The following IRAG2 variants were observed in gnomAD, a reference collection of about 807,000 sequenced individuals.
The protein encoded by IRAG2 is lymphoid restricted membrane protein.
In IRAG2, 45 loss-of-function variants were observed where a neutral mutation model predicts 69.9. That is an observed-to-expected ratio of 0.64 (90% CI 0.51 to 0.83). IRAG2 has a LOEUF of 0.83. IRAG2 is among the 40% of genes least tolerant of loss of function. The pLI, the probability that IRAG2 is intolerant of heterozygous loss-of-function variation, is 0.00. For missense variants in IRAG2, 520 were observed against 587.0 expected (o/e 0.89, Z 1.18); for synonymous variants, 193 against 202.4 (o/e 0.95, Z 0.40).
At chr12:25,038,539 G>A (rs1013300241) in intron 16 of IRAG2, among the ~76,000 whole-genome samples, 1 of 151,940 alleles carries the variant, frequency 6.6e-6, no homozygotes, top group African/African-American at 2.4e-5. Context: ...CTACTTGGGA[G>A]GCTGATGCAG....
chr12:25,033,421 C>T (rs150664336), intron 12 of IRAG2, among the ~76,000 whole-genome samples: 19 of 152,284 alleles, frequency 1.2e-4, no homozygotes, highest in Admixed American at 5.9e-4. Context: ...GGAATATGCA[C>T]GCATCTACAT....
chr12:24,998,689 A>C, the IRAG2 span, among the ~76,000 whole-genome samples: 1 of 147,362 alleles, frequency 6.8e-6, no homozygotes. Context: ...CACATACTTA[A>C]ATTTTTTTTT....
intron 14 of IRAG2, among the ~76,000 whole-genome samples, chr12:25,036,088 T>G (rs1944700062): frequency 6.6e-6 from 1 of 152,202 alleles, no homozygotes. Flanking sequence ...AGTTTCCTTC[T>G]TTAAATTTTC....
rs147721409 is a variant in IRAG2, at chr12:25,088,402, C to A, written c.373+245C>A. On this transcript the variant is annotated intron_variant, in intron 11 of 21. Transcript: ENST00000556887. ...GCTCTATTGTGAACTAAGAACCAAG[C>A]GAATGTTGGTAGCAAATGCTATGCT... 1.2e-3 allele frequency among the ~76,000 whole-genome samples: 176 copies of A among 152,312 alleles called. 1 individual carries two copies. Among genetic ancestry groups the A allele is most frequent in the African/African-American group, 4.0e-3 (168 of 41,572 alleles).
intron 1 of IRAG2, among the ~76,000 whole-genome samples, chr12:25,059,514 G>A (rs1945477305): frequency 6.6e-6 from 1 of 151,962 alleles, no homozygotes; most frequent in South Asian, 2.1e-4. Context: ...ACCATGCCTG[G>A]CTAATTTTTT....
chr12:25,038,668 C>T (rs957655043), intron 16 of IRAG2, among the ~76,000 whole-genome samples: 5 of 151,532 alleles, frequency 3.3e-5, no homozygotes, highest in Non-Finnish European at 5.9e-5. Context: ...CTGTGGAAAC[C>T]AGTATACTGA....
upstream of IRAG2, among the ~76,000 whole-genome samples, chr12:25,049,288 A>G (rs1944821580): frequency 6.6e-6 from 1 of 152,168 alleles, no homozygotes; most frequent in Admixed American, 6.5e-5. Context: ...AAGAATGCCA[A>G]TGGCAGTTTA....
chr12:25,023,645 A>G (rs1405995908), intron 7 of IRAG2, among the ~76,000 whole-genome samples: 1 of 152,136 alleles, frequency 6.6e-6, no homozygotes, highest in African/African-American at 2.4e-5. Context: ...CTCCCTAACA[A>G]CCATAGTTAC....
intron 2 of IRAG2, chr12:25,005,389 G>A (rs1018502534): frequency 2.0e-5 from 19 of 937,408 alleles, no homozygotes; most frequent in South Asian, 5.4e-5. Flanking sequence ...ACATTTGGTA[G>A]GACTGTCCAA....
rs769351442 is a variant in IRAG2, at chr12:25,104,036, T to C, written c.1024T>C (p.Phe342Leu). 7.4e-6 allele frequency: 12 copies of C among 1,613,594 alleles called. No individual in the cohort carries two copies. Among genetic ancestry groups the C allele is most frequent in the Non-Finnish European group, 6.8e-6 (8 of 1,179,760 alleles). The change falls in exon 19 of 22, where the codon TTC (phenylalanine) becomes CTC (leucine). Residue 342 changes from phenylalanine to leucine, a missense_variant. Transcript: ENST00000556887. The part of the protein sequence containing the change: ...MVAGMENNDR[F>L]SRRSSSWRIL... ...GGCTGGGATGGAAAATAATGATCGATTCAGTAGAAGGTCAAGCAGTTGGTA... is the reference window on the plus strand; with the variant it reads ...GGCTGGGATGGAAAATAATGATCGACTCAGTAGAAGGTCAAGCAGTTGGTA...
At chr12:25,020,814 A>C in exon 7 of IRAG2, 1 of 1,231,952 alleles carries the variant, frequency 8.1e-7, no homozygotes, top group South Asian at 4.1e-5. Context: ...TTATGAGAAC[A>C]AATCTGTTAA....
At chr12:24,999,030 C>T in the IRAG2 span, among the ~76,000 whole-genome samples, 1 of 152,122 alleles carries the variant, frequency 6.6e-6, no homozygotes. Flanking sequence ...CATCATATGC[C>T]ATTCTTTGCA....
At chr12:25,029,364 C>T (rs771696405) in intron 9 of IRAG2, among the ~76,000 whole-genome samples, 17 of 152,184 alleles carry the variant, frequency 1.1e-4, no homozygotes, top group Non-Finnish European at 2.4e-4. Context: ...TTTATAACCT[C>T]AGGCAAGCTC....
intron 3 of IRAG2, among the ~76,000 whole-genome samples, chr12:25,013,296 G>GAA (rs1447992713): frequency 1.4e-4 from 21 of 152,280 alleles, no homozygotes; most frequent in Non-Finnish European, 2.8e-4. Context: ...GGGCAACTTA[G>GAA]CAAGATTCTG....
intron 6 of IRAG2, chr12:25,017,376 C>T (rs952291138): frequency 1.9e-5 from 21 of 1,105,306 alleles, no homozygotes; most frequent in Non-Finnish European, 2.3e-5. Flanking sequence ...TTGAGAGTCA[C>T]ACAGCATAAA....
At chr12:25,100,624 T>A (rs537822980) in intron 15 of IRAG2, among the ~76,000 whole-genome samples, 13 of 152,314 alleles carry the variant, frequency 8.5e-5, no homozygotes, top group Middle Eastern at 3.4e-3. Context: ...TGGATCTCAA[T>A]ATTCAATATG....
upstream of IRAG2, among the ~76,000 whole-genome samples, chr12:24,999,350 C>G (rs765753038): frequency 2.6e-5 from 4 of 152,158 alleles, no homozygotes; most frequent in Non-Finnish European, 5.9e-5. Context: ...GAGGATTTTA[C>G]TTGTTGCTTT....
At chr12:25,020,346 C>T (rs952586803) in intron 6 of IRAG2, among the ~76,000 whole-genome samples, 1 of 152,160 alleles carries the variant, frequency 6.6e-6, no homozygotes, top group Non-Finnish European at 1.5e-5. Flanking sequence ...TGTCATCTCC[C>T]TCCATAGTAT....
chr12:25,001,202 G>C (rs1944389000), upstream of IRAG2, among the ~76,000 whole-genome samples: 1 of 152,010 alleles, frequency 6.6e-6, no homozygotes, highest in Non-Finnish European at 1.5e-5. Context: ...GGCTCACTTA[G>C]GTAAGTCAGG....
Sources: gnomAD v4.1 joint callset for allele counts (sites outside exome capture counted in the v4.1 genomes callset) on GRCh38, gnomAD v4.1.1 for gene constraint, MANE v1.5 for transcripts, NCBI Gene and HGNC (gene_info 2026-07-23, HGNC 2026-07-21) for gene names.